Variants in EPHA5 observed in about 807,000 individuals in gnomAD.
The protein encoded by EPHA5 is ephrin type-A receptor 5.
Under a neutral mutation model 105.0 loss-of-function variants are expected in EPHA5, and 60 were observed. The ratio of observed to expected loss-of-function variants is 0.57; its 90% CI spans 0.46 to 0.71. EPHA5 has a LOEUF of 0.71. EPHA5 is among the 30% of genes least tolerant of loss of function. The pLI is 0.00. For synonymous variants in EPHA5, 513 were observed against 449.1 expected (o/e 1.14, Z -1.80); for missense variants, 1,218 against 1,274.7 (o/e 0.96, Z 0.68).
intron 3 of EPHA5, among the ~76,000 whole-genome samples, chr4:65,541,059 C>T (rs928098717): frequency 2.2e-4 from 34 of 151,240 alleles, no homozygotes; most frequent in Non-Finnish European, 2.1e-4. Flanking sequence ...CCCTCCTTCC[C>T]CTTTCTCATC....
intron 3 of EPHA5, among the ~76,000 whole-genome samples, chr4:65,565,466 G>A (rs1739439417): frequency 2.6e-5 from 4 of 151,516 alleles, no homozygotes; most frequent in African/African-American, 9.7e-5. Flanking sequence ...AATTTAATAA[G>A]AGATTTCCAA....
chr4:65,554,602 A>G (rs992555674), intron 3 of EPHA5, among the ~76,000 whole-genome samples: 3 of 151,762 alleles, frequency 2.0e-5, no homozygotes, highest in Admixed American at 2.0e-4. Context: ...TTCTATTCTT[A>G]TAACTTTTTC....
At chr4:65,490,351 A>G (rs2149211739) in intron 5 of EPHA5, 26 bp downstream of exon 5, 1 of 1,595,568 alleles carries the variant, frequency 6.3e-7, no homozygotes, top group Non-Finnish European at 8.6e-7. Context: ...CCTCACATAC[A>G]CAATTGGGTT....
At chr4:65,598,932 A>G (rs576276635) in intron 3 of EPHA5, among the ~76,000 whole-genome samples, 1 of 152,224 alleles carries the variant, frequency 6.6e-6, no homozygotes, top group African/African-American at 2.4e-5. Flanking sequence ...GTCTTAAAGG[A>G]AACCACTGAA....
rs146261874 is a variant in EPHA5, at chr4:65,605,012, C to G, written c.247-2708G>C. ...TGAATGCAATATGATGGCTGTAGCT[C>G]TGCTCTTTAGGTCTAGCAATTATTC... On this transcript the variant is annotated intron_variant, in intron 2 of 16. Transcript: ENST00000613740. 5.5e-3 allele frequency among the ~76,000 whole-genome samples: 835 copies of G among 152,324 alleles called. 38 individuals carry two copies. Among genetic ancestry groups the G allele is most frequent in the Admixed American group, 0.051 (774 of 15,288 alleles).
chr4:65,518,427 A>C (rs1431433011), intron 3 of EPHA5, among the ~76,000 whole-genome samples: 2 of 151,892 alleles, frequency 1.3e-5, no homozygotes, highest in Admixed American at 6.6e-5. Context: ...TCACACACAC[A>C]CACACACCCA....
intron 1 of EPHA5, among the ~76,000 whole-genome samples, chr4:65,660,971 G>A (rs529371165): frequency 6.6e-6 from 1 of 151,980 alleles, no homozygotes; most frequent in South Asian, 2.1e-4. Context: ...GACCATGTAG[G>A]GCATTTATTC....
intron 5 of EPHA5, among the ~76,000 whole-genome samples, chr4:65,451,206 A>T (rs1430571490): frequency 6.6e-6 from 1 of 152,178 alleles, no homozygotes; most frequent in East Asian, 1.9e-4. Flanking sequence ...CTGGTCAAAA[A>T]GAAATACTAG....
chr4:65,353,141 C>A, intron 11 of EPHA5, 38 bp from the exon 12 acceptor site: 1 of 1,349,370 alleles, frequency 7.4e-7, no homozygotes, highest in South Asian at 1.8e-5. Flanking sequence ...TGCTGCTCTT[C>A]GATTTTGCAT....
chr4:65,402,392 T>C (rs1286963479), intron 8 of EPHA5, among the ~76,000 whole-genome samples: 1 of 152,188 alleles, frequency 6.6e-6, no homozygotes, highest in African/African-American at 2.4e-5. Flanking sequence ...AAATAGTAAG[T>C]AGATTGAAAG....
intron 5 of EPHA5, among the ~76,000 whole-genome samples, chr4:65,458,067 C>T (rs1430401913): frequency 1.1e-5 from 1 of 92,526 alleles, no homozygotes; most frequent in Non-Finnish European, 2.1e-5. Flanking sequence ...GAGCGACACT[C>T]CATCCCAAAA....
chr4:65,492,492 G>A (rs1731503036), intron 4 of EPHA5, among the ~76,000 whole-genome samples: 1 of 137,760 alleles, frequency 7.3e-6, no homozygotes, highest in Non-Finnish European at 1.5e-5. Flanking sequence ...GTGAGCCACC[G>A]CGCCAAGCCA....
chr4:65,548,720 A>G (rs1255091271), intron 3 of EPHA5, among the ~76,000 whole-genome samples: 1 of 152,140 alleles, frequency 6.6e-6, no homozygotes, highest in Admixed American at 6.6e-5. Flanking sequence ...GCCTTGGATG[A>G]CAGACAATTA....
intron 5 of EPHA5, among the ~76,000 whole-genome samples, chr4:65,466,463 T>TAGAG (rs1728726537): frequency 6.6e-6 from 1 of 152,142 alleles, no homozygotes; most frequent in Non-Finnish European, 1.5e-5. Context: ...GGCGAGTCAT[T>TAGAG]AGAGGGTTTT....
intron 3 of EPHA5, among the ~76,000 whole-genome samples, chr4:65,565,114 A>AAAAATT (rs1380122281): frequency 6.6e-6 from 1 of 151,728 alleles, no homozygotes; most frequent in African/African-American, 2.4e-5. Flanking sequence ...CAATGTAAGG[A>AAAAATT]CACCTCAGAG....
chr4:65,379,635 A>T (rs1354278572), intron 8 of EPHA5, among the ~76,000 whole-genome samples: 1 of 151,602 alleles, frequency 6.6e-6, no homozygotes, highest in Non-Finnish European at 1.5e-5. Context: ...GTTAGCTATT[A>T]CTCTTAATTT....
intron 15 of EPHA5, among the ~76,000 whole-genome samples, chr4:65,333,809 C>T (rs1304051122): frequency 6.6e-6 from 1 of 151,402 alleles, no homozygotes. Flanking sequence ...TTTGTACCTC[C>T]ATATTTCTCA....
At chr4:65,469,866 A>G (rs561773940) in intron 5 of EPHA5, among the ~76,000 whole-genome samples, 46 of 152,322 alleles carry the variant, frequency 3.0e-4, no homozygotes, top group African/African-American at 1.1e-3. Flanking sequence ...TCACTTAGTA[A>G]GAAAAAACAT....
chr4:65,539,313 T>TAA (rs1736596200), intron 3 of EPHA5, among the ~76,000 whole-genome samples: 2 of 151,480 alleles, frequency 1.3e-5, no homozygotes, highest in Non-Finnish European at 3.0e-5. Flanking sequence ...GATGGACAGA[T>TAA]AAAACCAAGA....
Sources: gnomAD v4.1 joint callset for allele counts (sites outside exome capture counted in the v4.1 genomes callset) on GRCh38, gnomAD v4.1.1 for gene constraint, MANE v1.5 for transcripts, NCBI Gene and HGNC (gene_info 2026-07-23, HGNC 2026-07-21) for gene names.